Variants in KCNIP4 observed in about 807,000 individuals in gnomAD.
KCNIP4 encodes the protein Kv channel-interacting protein 4.
In KCNIP4, 12 loss-of-function variants were observed where a neutral mutation model predicts 34.0. The ratio of observed to expected loss-of-function variants is 0.35; its 90% CI spans 0.23 to 0.57. KCNIP4 has a LOEUF of 0.57. Among genes scored for constraint, KCNIP4 ranks in the 20% least tolerant of loss-of-function variants. KCNIP4 has a pLI of 0.83. For missense variants in KCNIP4, 238 were observed against 311.7 expected (o/e 0.76, Z 1.78); for synonymous variants, 124 against 102.2 (o/e 1.21, Z -1.29).
intron 1 of KCNIP4, among the ~76,000 whole-genome samples, chr4:21,938,487 T>C (rs1439167772): frequency 6.6e-6 from 1 of 152,192 alleles, no homozygotes; most frequent in Non-Finnish European, 1.5e-5. Flanking sequence ...ATCTACAGAA[T>C]AATGCTCTTT....
chr4:21,899,163 C>A (rs1057011943), intron 1 of KCNIP4, among the ~76,000 whole-genome samples: 1 of 152,012 alleles, frequency 6.6e-6, no homozygotes, highest in African/African-American at 2.4e-5. Context: ...TACATAATGT[C>A]AAAAGAATGA....
At chr4:20,764,099 A>G (rs1319742230) in intron 3 of KCNIP4, among the ~76,000 whole-genome samples, 1 of 152,176 alleles carries the variant, frequency 6.6e-6, no homozygotes, top group Non-Finnish European at 1.5e-5. Context: ...GCAAGCTTCT[A>G]CTAACCCTTA....
chr4:21,585,680 G>A (rs1156934883), intron 1 of KCNIP4, among the ~76,000 whole-genome samples: 1 of 151,982 alleles, frequency 6.6e-6, no homozygotes, highest in African/African-American at 2.4e-5. Context: ...AATTATGCTT[G>A]AATATGTGAT....
intron 1 of KCNIP4, among the ~76,000 whole-genome samples, chr4:20,925,513 G>C (rs1189112811): frequency 6.6e-6 from 1 of 152,186 alleles, no homozygotes; most frequent in African/African-American, 2.4e-5. Context: ...TCCACCTCTT[G>C]TTTAGCATAT....
intron 1 of KCNIP4, among the ~76,000 whole-genome samples, chr4:21,595,421 T>C (rs929203085): frequency 7.2e-5 from 11 of 152,160 alleles, no homozygotes; most frequent in Non-Finnish European, 1.3e-4. Context: ...TTCCAAGTCT[T>C]TGCTACTATG....
intron 6 of KCNIP4, among the ~76,000 whole-genome samples, chr4:20,733,941 A>C (rs1748974237): frequency 6.6e-6 from 1 of 152,056 alleles, no homozygotes. Flanking sequence ...GGCCCTGGGC[A>C]CCTTTTGTCT....
At chr4:21,061,326 A>G (rs146584581) in intron 1 of KCNIP4, among the ~76,000 whole-genome samples, 10 of 151,234 alleles carry the variant, frequency 6.6e-5, no homozygotes, top group African/African-American at 2.2e-4. Context: ...ATAATTCTAG[A>G]CCCTCCCATT....
intron 2 of KCNIP4, among the ~76,000 whole-genome samples, chr4:20,864,077 T>C (rs1722526229): frequency 6.6e-6 from 1 of 151,714 alleles, no homozygotes; most frequent in African/African-American, 2.4e-5. Context: ...TATACGTATG[T>C]ATGTATGTAT....
intron 1 of KCNIP4, among the ~76,000 whole-genome samples, chr4:21,591,937 C>A (rs1742253549): frequency 6.6e-6 from 1 of 152,048 alleles, no homozygotes; most frequent in South Asian, 2.1e-4. Flanking sequence ...AATGACTTGG[C>A]GAAGGGAGGC....
At chr4:21,631,040 C>T (rs985418519) in intron 1 of KCNIP4, among the ~76,000 whole-genome samples, 7 of 152,154 alleles carry the variant, frequency 4.6e-5, no homozygotes, top group East Asian at 1.9e-4. Context: ...TATTCTGTGA[C>T]GCTTCCTCAC....
chr4:21,223,379 C>A (rs1365900009), intron 1 of KCNIP4, among the ~76,000 whole-genome samples: 1 of 152,218 alleles, frequency 6.6e-6, no homozygotes, highest in Non-Finnish European at 1.5e-5. Context: ...TTATTTTAGA[C>A]TTCTGACCTC....
intron 1 of KCNIP4, among the ~76,000 whole-genome samples, chr4:21,553,916 A>T (rs1440452833): frequency 6.6e-6 from 1 of 152,030 alleles, no homozygotes; most frequent in South Asian, 2.1e-4. Context: ...CATTTTTCCA[A>T]ATCACCTTCA....
At chr4:21,380,029 T>C (rs1721337466) in intron 1 of KCNIP4, among the ~76,000 whole-genome samples, 1 of 152,134 alleles carries the variant, frequency 6.6e-6, no homozygotes, top group African/African-American at 2.4e-5. Flanking sequence ...TGTAATCCCC[T>C]TTTCATATCA....
At chr4:21,335,664 A>C (rs2109334865) in intron 1 of KCNIP4, among the ~76,000 whole-genome samples, 1 of 152,354 alleles carries the variant, frequency 6.6e-6, no homozygotes, top group East Asian at 1.9e-4. Context: ...TATAAATCCA[A>C]GTAACTACTG....
intron 1 of KCNIP4, among the ~76,000 whole-genome samples, chr4:21,071,463 T>C (rs1425848751): frequency 6.6e-6 from 1 of 152,158 alleles, no homozygotes; most frequent in Non-Finnish European, 1.5e-5. Flanking sequence ...CTTTCTGCCA[T>C]ACCACACAGG....
chr4:21,869,698 T>TC (rs995734515), intron 1 of KCNIP4, among the ~76,000 whole-genome samples: 40 of 148,816 alleles, frequency 2.7e-4, no homozygotes, highest in African/African-American at 7.7e-4. Context: ...CTCTTGCTCT[T>TC]CCCCCCCACC....
intron 1 of KCNIP4, among the ~76,000 whole-genome samples, chr4:21,071,242 A>T (rs577640619): frequency 6.6e-6 from 1 of 152,272 alleles, no homozygotes; most frequent in Non-Finnish European, 1.5e-5. Context: ...CATTTAAATC[A>T]ATTGTTCATT....
intron 3 of KCNIP4, among the ~76,000 whole-genome samples, chr4:20,803,067 T>A (rs1258248866): frequency 5.0e-5 from 5 of 100,308 alleles, no homozygotes; most frequent in African/African-American, 1.8e-4. Flanking sequence ...AGAGTGAGAC[T>A]CTGCCTCAAA....
At chr4:20,866,101 C>T (rs1437431189) in intron 2 of KCNIP4, among the ~76,000 whole-genome samples, 1 of 151,970 alleles carries the variant, frequency 6.6e-6, no homozygotes, top group East Asian at 1.9e-4. Context: ...GATACCATTC[C>T]TACTAAAACT....
Sources: allele counts gnomAD v4.1 joint callset (sites outside exome capture counted in the v4.1 genomes callset), GRCh38; gene constraint gnomAD v4.1.1; transcripts MANE v1.5; gene names NCBI Gene and HGNC (gene_info 2026-07-23, HGNC 2026-07-21).